The following APOLD1 variants were observed in gnomAD, a reference collection of about 807,000 sequenced individuals.
APOLD1 encodes apolipoprotein L domain-containing protein 1.
APOLD1 carries 22 observed loss-of-function variants against 15.3 expected under a neutral mutation model. That is an observed-to-expected ratio of 1.44 (90% CI 1.03 to 2.05). The LOEUF is 2.05. Ranked by LOEUF, APOLD1 falls within the 30% of genes most tolerant of loss-of-function variation. APOLD1 has a pLI of 0.00. For missense variants in APOLD1, 394 were observed against 353.5 expected (o/e 1.11, Z -0.92); for synonymous variants, 190 against 167.4 (o/e 1.13, Z -1.04).
In APOLD1 at chr12:12,787,256, G is replaced by A; in HGVS notation, c.351G>A (p.Leu117=). Residue 117 remains leucine (L), a synonymous_variant, in exon 2 of 2, where the codon CTG becomes CTA. Coordinates refer to ENST00000356591, the MANE Select transcript of APOLD1 (RefSeq NM_030817.3). The surrounding 1 kb of genome is among the most constrained non-coding windows in gnomAD (Gnocchi z 4.9). ...LSLIFCNSRE[L]RRVQEIAATC... ...TGATCTTCTGCAACTCCCGGGAGCT[G>A]CGGAGGGTGCAGGAGATCGCGGCCA... The A allele has an allele frequency of 1.3e-6, 2 of 1,585,222 alleles. No homozygotes were observed. The highest frequency in any genetic ancestry group is 1.7e-6 in the Non-Finnish European group (2 of 1,168,186).
In APOLD1 at chr12:12,790,493, C is replaced by G. The variant is rs1351918590; in HGVS notation, c.*2841C>G. 6.6e-6 allele frequency: 1 copy of G among 152,164 alleles called. No individual in the cohort carries two copies. The highest frequency in any genetic ancestry group is 1.5e-5 in the Non-Finnish European group (1 of 68,036). 9.4% of individuals were successfully genotyped at this position (152,164 alleles called of 1,614,324 possible). A position where few individuals can be genotyped will look rare whatever the true frequency, so the allele number is the denominator to read the frequency against. On this transcript the variant is annotated 3_prime_UTR_variant, in exon 2 of 2. Coordinates refer to ENST00000356591, the MANE Select transcript of APOLD1 (RefSeq NM_030817.3). ...ATATTCTTCCAATGCCTAAGCTATTCCCTAGAATTAAACTGGGCACTTTTG... is the reference window on the plus strand; with the variant it reads ...ATATTCTTCCAATGCCTAAGCTATTGCCTAGAATTAAACTGGGCACTTTTG...
intron 1 of APOLD1, among the ~76,000 whole-genome samples, chr12:12,735,034 G>A (rs770441038): frequency 4.1e-4 from 63 of 152,080 alleles, no homozygotes; most frequent in Non-Finnish European, 5.0e-4. Context: ...AGCAAGCAGG[G>A]GCTAAAATCG....
chr12:12,777,679 A>C (rs1474745688), intron 1 of APOLD1, among the ~76,000 whole-genome samples: 2 of 143,206 alleles, frequency 1.4e-5, no homozygotes, highest in African/African-American at 5.2e-5. Context: ...TAAAATCCAA[A>C]ACTTACTGAG....
chr12:12,734,138 G>A (rs11835595), intron 1 of APOLD1, among the ~76,000 whole-genome samples: 30,632 of 151,918 alleles, frequency 0.2, 3,657 homozygotes, highest in African/African-American at 0.31. Flanking sequence ...ACATAAATGA[G>A]GTATAAATAT....
intron 1 of APOLD1, among the ~76,000 whole-genome samples, chr12:12,763,769 T>A (rs1486942109): frequency 6.6e-6 from 1 of 152,168 alleles, no homozygotes; most frequent in Non-Finnish European, 1.5e-5. Flanking sequence ...GTCTATACTT[T>A]AAATCATCTC....
rs1947135281 is a variant in APOLD1 at position 12,787,092 on chromosome 12, A to G, written c.187A>G (p.Ser63Gly). The change falls in exon 2 of 2, where the codon AGC becomes GGC. Residue 63 changes from serine to glycine, a missense_variant. Ser to Gly is a moderately conservative substitution (Grantham distance 56). Coordinates refer to ENST00000356591, the MANE Select transcript of APOLD1 (RefSeq NM_030817.3). The surrounding 1 kb of genome is among the most constrained non-coding windows in gnomAD (Gnocchi z 4.9). ...LVANVAGSSLSATGALAAIVG... is the reference protein window; with the variant it reads ...LVANVAGSSLGATGALAAIVG... The stretch of plus-strand genomic sequence containing the variant: ...AGCCAACGTGGCCGGCAGCTCGCTG[A>G]GCGCAACGGGCGCCCTCGCCGCCAT... The G allele has an allele frequency of 7.1e-7, 1 of 1,403,164 alleles. No homozygotes were observed. The highest frequency in any genetic ancestry group is 9.2e-7 in the Non-Finnish European group (1 of 1,089,564). 86.9% of individuals were successfully genotyped at this position (1,403,164 alleles called of 1,614,324 possible).
chr12:12,756,147 T>C (rs1251636842), intron 1 of APOLD1, among the ~76,000 whole-genome samples: 1 of 152,222 alleles, frequency 6.6e-6, no homozygotes, highest in Non-Finnish European at 1.5e-5. Flanking sequence ...AAGAATCATA[T>C]TGAAGAATCC....
intron 1 of APOLD1, among the ~76,000 whole-genome samples, chr12:12,751,127 C>T (rs536529700): frequency 8.6e-5 from 13 of 151,696 alleles, no homozygotes; most frequent in Non-Finnish European, 5.9e-5. Flanking sequence ...TATTTTGGAA[C>T]CTTATGTGAG....
intron 1 of APOLD1, among the ~76,000 whole-genome samples, chr12:12,730,360 C>T (rs1946628612): frequency 6.6e-6 from 1 of 152,082 alleles, no homozygotes; most frequent in Non-Finnish European, 1.5e-5. Context: ...TACTGAACTG[C>T]CATTTGCAAG....
chr12:12,756,746 A>T (rs540972371), intron 1 of APOLD1, among the ~76,000 whole-genome samples: 1 of 152,278 alleles, frequency 6.6e-6, no homozygotes, highest in African/African-American at 2.4e-5. Flanking sequence ...TAGGTACCTA[A>T]TATAAGTGGA....
chr12:12,769,348 C>G (rs997926462), intron 1 of APOLD1, among the ~76,000 whole-genome samples: 7 of 151,970 alleles, frequency 4.6e-5, no homozygotes, highest in African/African-American at 1.7e-4. Context: ...AGAGTAAACC[C>G]CAAATTGGAA....
rs1232351486 is a variant in APOLD1, at chr12:12,789,570, A to G, written c.*1918A>G. Reference sequence around the variant, plus strand: ...AACTTGCAAGCCTGATGTCCTATCAAGTTATGTCTTCTGGGTGACAGACAA... The same window carrying G: ...AACTTGCAAGCCTGATGTCCTATCAGGTTATGTCTTCTGGGTGACAGACAA... On this transcript the variant is annotated 3_prime_UTR_variant, in exon 2 of 2. Coordinates refer to ENST00000356591, the MANE Select transcript of APOLD1 (RefSeq NM_030817.3). The G allele has an allele frequency of 1.3e-5, 2 of 152,260 alleles. No homozygotes were observed. The highest frequency in any genetic ancestry group is 4.8e-5 in the African/African-American group (2 of 41,478). 9.4% of individuals were successfully genotyped at this position (152,260 alleles called of 1,614,324 possible).
chr12:12,786,943 G>T lies in APOLD1; in HGVS notation c.38G>T (p.Gly13Val), dbSNP rs765222554. The change falls in exon 2 of 2, where the codon GGG becomes GTG. Residue 13 changes from glycine (G) to valine (V), a missense_variant. Physicochemically the swap from Gly to Val is moderately radical, Grantham distance 109. Coordinates refer to ENST00000356591, the MANE Select transcript of APOLD1 (RefSeq NM_030817.3). ...AGGCCGGCGGCCCGGGAGCCGCATG[G>T]GCCCGACGCGCTGCGGCGCTTCCAG... ...MERPAAREPHGPDALRRFQGL... is the reference protein window; with the variant it reads ...MERPAAREPHVPDALRRFQGL... 1.0e-4 allele frequency: 150 copies of T among 1,459,742 alleles called. No individual in the cohort carries two copies. In the African/African-American group the frequency reaches 1.7e-3, roughly 17 times the overall value. 90.4% of individuals were successfully genotyped at this position (1,459,742 alleles called of 1,614,324 possible). A position where few individuals can be genotyped will look rare whatever the true frequency, so the allele number is the denominator to read the frequency against.
At chr12:12,760,680 A>T (rs182305134) in intron 1 of APOLD1, among the ~76,000 whole-genome samples, 1 of 151,978 alleles carries the variant, frequency 6.6e-6, no homozygotes, top group Admixed American at 6.6e-5. Flanking sequence ...ACAACCAAAC[A>T]AACAAAACCC....
chr12:12,730,069 TGTGTGTGTGAGAGA>T (rs746878996), intron 1 of APOLD1, among the ~76,000 whole-genome samples: 2,374 of 60,086 alleles, frequency 0.04, 42 homozygotes, highest in East Asian at 0.18. Context: ...TGTGTGTGTG[TGTGTGTGTGAGAGA>T]GAGAGAGAGA....
intron 1 of APOLD1, among the ~76,000 whole-genome samples, chr12:12,732,694 C>A: frequency 6.8e-6 from 1 of 147,010 alleles, no homozygotes; most frequent in African/African-American, 2.5e-5. Context: ...TACTGCACTC[C>A]ACTCCAGCCT....
chr12:12,781,635 C>T (rs967390382), upstream of APOLD1, among the ~76,000 whole-genome samples: 1 of 149,558 alleles, frequency 6.7e-6, no homozygotes, highest in Admixed American at 6.7e-5. Context: ...TCACGCCATT[C>T]TCCTGCCTCA....
At chr12:12,726,420 TGAC>T (rs1946594233) in intron 1 of APOLD1, 1 of 395,970 alleles carries the variant, frequency 2.5e-6, no homozygotes, top group South Asian at 2.1e-5. Flanking sequence ...AGATTTAGGA[TGAC>T]TTTTTTTTTC....
chr12:12,737,061 G>A (rs756597935), intron 1 of APOLD1, among the ~76,000 whole-genome samples: 1 of 152,194 alleles, frequency 6.6e-6, no homozygotes, highest in Admixed American at 6.5e-5. Context: ...TAGCTTAGAG[G>A]TGAATACTGA....
Sources: gnomAD v4.1 joint callset for allele counts (sites outside exome capture counted in the v4.1 genomes callset) on GRCh38, gnomAD v4.1.1 for gene constraint, Gnocchi (gnomAD v3.1) non-coding constraint, MANE v1.5 for transcripts, NCBI Gene and HGNC (gene_info 2026-07-23, HGNC 2026-07-21) for gene names.